The following IFRD1 variants were observed in gnomAD, a reference collection of about 807,000 sequenced individuals.
IFRD1 encodes the protein interferon related developmental regulator 1, also known as interferon-related developmental regulator 1.
IFRD1 carries 35 observed loss-of-function variants against 52.9 expected under a neutral mutation model. The observed-to-expected ratio is 0.66, with a 90% CI of 0.51 to 0.88. The LOEUF (loss-of-function observed/expected upper bound fraction) is 0.88. IFRD1 is among the 40% of genes least tolerant of loss of function. IFRD1 has a pLI of 0.00. For synonymous variants in IFRD1, 184 were observed against 188.4 expected, an observed-to-expected ratio of 0.98 and a Z score of 0.19; for missense variants, 517 against 550.8, an observed-to-expected ratio of 0.94 and a Z score of 0.61.
In IFRD1 at chr7:112,433,568, G is replaced by A. The variant is rs1584465361; in HGVS notation, c.-182+10136G>A. Among the ~76,000 whole-genome samples, 6 of 152,348 alleles carry A rather than the reference G, an allele frequency of 3.9e-5. No homozygotes were observed. The South Asian group carries it at 1.2e-3, about 32-fold the overall frequency. On this transcript the variant is annotated intron_variant, in intron 1 of 12. Coordinates refer to the IFRD1 transcript ENST00000005558. The stretch of plus-strand genomic sequence containing the variant: ...CTCCTAAACCACAGTTTCTAATCTT[G>A]TGGCTAATTTGTTAATCCTGCAAGG...
intron 11 of IFRD1, among the ~76,000 whole-genome samples, chr7:112,473,636 G>C (rs1795820148): frequency 6.6e-6 from 1 of 152,032 alleles, no homozygotes; most frequent in Non-Finnish European, 1.5e-5. Context: ...TGTTGGCCAG[G>C]CTAGTCTCGA....
At chr7:112,454,098 C>T (rs549149410) in intron 1 of IFRD1, among the ~76,000 whole-genome samples, 13 of 152,204 alleles carry the variant, frequency 8.5e-5, no homozygotes, top group African/African-American at 2.4e-4. Context: ...AATACAAAAT[C>T]CCTAAGTGAC....
chr7:112,472,251 TG>T lies in IFRD1; in HGVS notation c.1076del (p.Gly359ValfsTer11). 1 of 1,614,096 alleles carries T rather than the reference TG, an allele frequency of 6.2e-7. No individual in the cohort carries two copies. The highest frequency in any genetic ancestry group is 8.5e-7 in the Non-Finnish European group (1 of 1,179,952). On this transcript the variant is annotated frameshift_variant, in exon 10 of 12. Transcript: ENST00000403825. LOFTEE classifies it high-confidence loss of function. ...RDFPTETIKFGPERMYIDCWV... is the reference protein window; with the variant it reads ...RDFPTETIKFXPERMYIDCWV... ...ATTTTCCAACAGAAACCATTAAATT[TG>T]GTCCTGAACGCATGTATATTGATTG...
chr7:112,475,391 A>G, intron 11 of IFRD1, 39 bp from the exon 12 acceptor site: 2 of 1,125,286 alleles, frequency 1.8e-6, no homozygotes, highest in Non-Finnish European at 2.7e-6. Flanking sequence ...GAATATCTTA[A>G]GTCTTACTGA....
At chr7:112,428,011 T>A (rs1360061298) in intron 1 of IFRD1, among the ~76,000 whole-genome samples, 1 of 152,038 alleles carries the variant, frequency 6.6e-6, no homozygotes, top group African/African-American at 2.4e-5. Flanking sequence ...TGGGTCTCTA[T>A]GAAGACCCCC....
Position 112,450,499 on chromosome 7 carries a change from C to G in IFRD1, c.-190C>G, listed in dbSNP as rs571037039. ...GCTAGAGAGAAACATGTATCGTTTT[C>G]GATCACAGCTCTTCACGGGGATTTC... On this transcript the variant is annotated 5_prime_UTR_variant, in exon 1 of 12. Transcript: ENST00000403825. 2.2e-5 allele frequency: 14 copies of G among 626,394 alleles called. No individual in the cohort carries two copies. The highest frequency in any genetic ancestry group is 5.4e-5 in the South Asian group (3 of 55,070). The allele number at this position is 626,394 out of a possible 1,614,324, so 38.8% of individuals were successfully genotyped here. A position where few individuals can be genotyped will look rare whatever the true frequency, so the allele number is the denominator to read the frequency against.
Position 112,460,244 on chromosome 7 carries a change from T to A in IFRD1, c.567+1226T>A, listed in dbSNP as rs1356851563. On this transcript the variant is annotated intron_variant, in intron 5 of 11. Transcript: ENST00000403825. ...ATTAAATTGAGGCAGTCCTAGGGTT[T>A]TTTTTTTTTTTTTTTTTTTTGACAA... Among the ~76,000 whole-genome samples the A allele has an allele frequency of 9.7e-5, 13 of 133,388 alleles. No homozygotes were observed. The South Asian group carries it at 3.3e-3, about 34-fold the overall frequency. The allele number at this position is 133,388 out of a possible 152,430, so 87.5% of individuals were successfully genotyped here.
chr7:112,471,755 C>T (rs550098375), intron 9 of IFRD1, among the ~76,000 whole-genome samples: 3 of 151,928 alleles, frequency 2.0e-5, no homozygotes, highest in African/African-American at 7.2e-5. Context: ...CTTCTGGTTG[C>T]TGGACCTTTC....
chr7:112,458,980 A>G lies in IFRD1; in HGVS notation c.529A>G (p.Ile177Val), dbSNP rs746947700. 7 of 1,613,962 alleles carry G rather than the reference A, an allele frequency of 4.3e-6. No individual in the cohort carries two copies. The South Asian group carries it at 4.4e-5, about 10-fold the overall frequency. Reference protein sequence around the residue: ...KTLGPILKKIICDGSASMQAR... With the variant: ...KTLGPILKKIVCDGSASMQAR... ...TCTTGGACCAATCCTAAAGAAAATC[A>G]TTTGTGATGGGTCAGCTAGTATGCA... The change falls in exon 5 of 12, where the codon ATT (isoleucine) becomes GTT (valine). Residue 177 changes from isoleucine to valine, a missense_variant. Coordinates refer to ENST00000403825, the MANE Select transcript of IFRD1 (RefSeq NM_001550.4).
Position 112,462,155 on chromosome 7 carries a change from A to G in IFRD1, c.773A>G (p.Asn258Ser). 1 of 1,613,856 alleles carries G rather than the reference A, an allele frequency of 6.2e-7. No homozygotes were observed. The part of the protein sequence containing the change: ...WTLLLTICPI[N>S]EVKKKLEMHF... ...CTACTGCTGACCATATGCCCAATCA[A>G]TGAAGTGAAGAAAAAGCTTGAGATG... The change falls in exon 7 of 12, where the codon AAT (asparagine) becomes AGT (serine). Residue 258 changes from asparagine (N) to serine (S), a missense_variant. Coordinates refer to ENST00000403825, the MANE Select transcript of IFRD1 (RefSeq NM_001550.4).
chr7:112,446,555 A>C (rs772711474), upstream of IFRD1, among the ~76,000 whole-genome samples: 10 of 152,208 alleles, frequency 6.6e-5, no homozygotes, highest in Non-Finnish European at 1.2e-4. Context: ...GGAGAATATA[A>C]GCAGGGTGGA....
At chr7:112,470,238 A>T (rs1175342541) in intron 9 of IFRD1, among the ~76,000 whole-genome samples, 1 of 152,244 alleles carries the variant, frequency 6.6e-6, no homozygotes, top group Non-Finnish European at 1.5e-5. Context: ...CCAAAGGAAT[A>T]CAGAATAGTT....
intron 1 of IFRD1, among the ~76,000 whole-genome samples, chr7:112,444,426 A>G (rs1794971392): frequency 6.6e-6 from 1 of 152,260 alleles, no homozygotes; most frequent in African/African-American, 2.4e-5. Context: ...CAGGGATCTC[A>G]AATTTAGCAT....
chr7:112,451,108 GCGATCTCGCC>G (rs1421169208), intron 1 of IFRD1: 1 of 311,542 alleles, frequency 3.2e-6, no homozygotes, highest in African/African-American at 2.2e-5. Flanking sequence ...TTTCTCGGCG[GCGATCTCGCC>G]CGATCTCTCC....
At chr7:112,442,275 C>T (rs1794909020) in intron 1 of IFRD1, among the ~76,000 whole-genome samples, 1 of 152,188 alleles carries the variant, frequency 6.6e-6, no homozygotes, top group Non-Finnish European at 1.5e-5. Context: ...ACTTTATCAG[C>T]TCCCAGCCAA....
chr7:112,423,218 A>T (rs554123604), exon 1 of IFRD1: 7 of 152,268 alleles, frequency 4.6e-5, no homozygotes, highest in Admixed American at 4.6e-4. Flanking sequence ...TTCCAGAGGG[A>T]TGTGTGTAAT....
At chr7:112,432,490 G>A (rs1794569482) in intron 1 of IFRD1, among the ~76,000 whole-genome samples, 1 of 152,196 alleles carries the variant, frequency 6.6e-6, no homozygotes, top group East Asian at 1.9e-4. Flanking sequence ...GAAAAATACT[G>A]ATAATCAGTT....
At chr7:112,457,315 G>A (rs1394491003) in intron 4 of IFRD1, 3 of 549,310 alleles carry the variant, frequency 5.5e-6, no homozygotes, top group Admixed American at 3.3e-5. Context: ...TCATTCTCTT[G>A]TTATACCAGA....
intron 8 of IFRD1, among the ~76,000 whole-genome samples, chr7:112,464,175 G>A (rs924742290): frequency 1.3e-5 from 2 of 151,574 alleles, no homozygotes; most frequent in Non-Finnish European, 2.9e-5. Context: ...CAGCAAATGA[G>A]TTTTGAATTA....
Sources: allele counts gnomAD v4.1 joint callset (sites outside exome capture counted in the v4.1 genomes callset), GRCh38; gene constraint gnomAD v4.1.1; transcripts MANE v1.5; gene names NCBI Gene and HGNC (gene_info 2026-07-23, HGNC 2026-07-21).